Variants in NCKAP5 observed in about 807,000 individuals in gnomAD.
NCKAP5 encodes nck-associated protein 5.
NCKAP5 carries 92 observed loss-of-function variants against 167.0 expected under a neutral mutation model. The ratio of observed to expected loss-of-function variants is 0.55; its 90% CI spans 0.47 to 0.66. NCKAP5 has a LOEUF of 0.66. Among genes scored for constraint, NCKAP5 ranks in the 30% least tolerant of loss-of-function variants. NCKAP5 has a pLI of 0.00. For synonymous variants in NCKAP5, 891 were observed against 877.4 expected, an observed-to-expected ratio of 1.02 and a Z score of -0.27; for missense variants, 2,378 against 2,315.0, an observed-to-expected ratio of 1.03 and a Z score of -0.56.
chr2:133,467,561 A>G (rs944761193), intron 3 of NCKAP5, among the ~76,000 whole-genome samples: 1 of 150,132 alleles, frequency 6.7e-6, no homozygotes, highest in African/African-American at 2.5e-5. Context: ...TTTTCTATTG[A>G]TTGGAATAGT....
At chr2:133,090,120 A>T (rs145737298) in intron 6 of NCKAP5, among the ~76,000 whole-genome samples, 14 of 151,292 alleles carry the variant, frequency 9.3e-5, no homozygotes, top group African/African-American at 3.2e-4. Context: ...TAATCCCAAC[A>T]CTTTCGGAGG....
In NCKAP5 at chr2:133,463,015, G is replaced by A. The variant is rs144806771; in HGVS notation, c.69+54443C>T. On this transcript the variant is annotated intron_variant, in intron 3 of 19. Transcript: ENST00000409261. ...CTGCGTTTTATGTGAACTCTGGAGC[G>A]ATTAGTCGCTAATATCAACATTGGT... is the stretch of plus-strand genomic sequence containing the variant. Among the ~76,000 whole-genome samples the A allele has an allele frequency of 5.2e-3, 790 of 152,268 alleles. 14 individuals are homozygous for A. Among genetic ancestry groups the A allele is most frequent in the Admixed American group, 0.028 (434 of 15,294 alleles).
At chr2:132,772,875 C>T (rs1318091137) in intron 16 of NCKAP5, among the ~76,000 whole-genome samples, 1 of 152,214 alleles carries the variant, frequency 6.6e-6, no homozygotes, top group African/African-American at 2.4e-5. Flanking sequence ...AGTGTGCCAA[C>T]ATGGCGCCGA....
intron 9 of NCKAP5, among the ~76,000 whole-genome samples, chr2:132,869,240 T>C (rs933267102): frequency 6.6e-6 from 1 of 152,196 alleles, no homozygotes; most frequent in Non-Finnish European, 1.5e-5. Context: ...ATTTCCATAT[T>C]TGGAAAAATG....
chr2:132,807,236 T>C (rs1057514313), intron 11 of NCKAP5, among the ~76,000 whole-genome samples: 4 of 152,168 alleles, frequency 2.6e-5, no homozygotes, highest in African/African-American at 7.2e-5. Flanking sequence ...GCTTTGGCTA[T>C]GTGGCTCTTT....
chr2:133,129,010 T>C (rs1286552568), intron 6 of NCKAP5, among the ~76,000 whole-genome samples: 6 of 151,296 alleles, frequency 4.0e-5, no homozygotes, highest in African/African-American at 1.5e-4. Context: ...GAAGAGTTTA[T>C]TGAATCATTA....
At chr2:132,788,588 G>C (rs1021878118) in intron 13 of NCKAP5, among the ~76,000 whole-genome samples, 3 of 152,072 alleles carry the variant, frequency 2.0e-5, no homozygotes, top group African/African-American at 7.2e-5. Context: ...AGGCGACTGG[G>C]AGCATTACAT....
intron 12 of NCKAP5, among the ~76,000 whole-genome samples, chr2:132,794,166 C>A (rs960620323): frequency 1.3e-4 from 19 of 145,512 alleles, no homozygotes; most frequent in Admixed American, 1.3e-3. Flanking sequence ...CCCTGACAAA[C>A]GCTGGTGCTT....
intron 3 of NCKAP5, among the ~76,000 whole-genome samples, chr2:133,493,908 C>A (rs1681694051): frequency 6.6e-6 from 1 of 152,208 alleles, no homozygotes; most frequent in Non-Finnish European, 1.5e-5. Flanking sequence ...CCTGGCTCTC[C>A]ATCACCCAAG....
intron 6 of NCKAP5, among the ~76,000 whole-genome samples, chr2:133,068,147 A>G (rs1183057061): frequency 1.3e-5 from 2 of 152,126 alleles, no homozygotes; most frequent in Non-Finnish European, 2.9e-5. Flanking sequence ...TGCATCTACT[A>G]CAGATGCTCA....
At chr2:133,365,516 A>T (rs1317761846) in intron 3 of NCKAP5, among the ~76,000 whole-genome samples, 2 of 146,780 alleles carry the variant, frequency 1.4e-5, no homozygotes, top group African/African-American at 5.2e-5. Context: ...CTGCCATTAT[A>T]CTTAGCCTAC....
At chr2:132,893,295 C>A (rs1180304387) in intron 8 of NCKAP5, among the ~76,000 whole-genome samples, 1 of 152,218 alleles carries the variant, frequency 6.6e-6, no homozygotes, top group African/African-American at 2.4e-5. Flanking sequence ...CCAGCAACGC[C>A]ATTGCTAGGT....
At chr2:132,933,325 TA>T (rs1470435217) in intron 8 of NCKAP5, among the ~76,000 whole-genome samples, 2 of 152,214 alleles carry the variant, frequency 1.3e-5, no homozygotes, top group African/African-American at 4.8e-5. Flanking sequence ...TCTCTCCCAT[TA>T]GACCATGAGT....
intron 3 of NCKAP5, among the ~76,000 whole-genome samples, chr2:133,348,461 T>G (rs994668404): frequency 3.3e-5 from 5 of 152,058 alleles, no homozygotes; most frequent in African/African-American, 1.2e-4. Context: ...AAAACTGCAT[T>G]TTTGGGGTGG....
Position 133,452,171 on chromosome 2 carries a change from T to C in NCKAP5, c.69+65287A>G, listed in dbSNP as rs566368473. Among the ~76,000 whole-genome samples the C allele has an allele frequency of 1.9e-3, 292 of 152,288 alleles. 1 individual carries two copies. The highest frequency in any genetic ancestry group is 6.8e-3 in the African/African-American group (284 of 41,554). ...ATAATGCTTGGCCCCAAATACCATG[T>C]CAAATGCAGCCTCCTCTCCTTGAGA... is the stretch of plus-strand genomic sequence containing the variant. On this transcript the variant is annotated intron_variant, in intron 3 of 19. Coordinates refer to ENST00000409261, the MANE Select transcript of NCKAP5 (RefSeq NM_207363.3).
chr2:133,274,086 T>C (rs958354199), intron 4 of NCKAP5, among the ~76,000 whole-genome samples: 21 of 151,890 alleles, frequency 1.4e-4, no homozygotes, highest in African/African-American at 5.1e-4. Context: ...CTTCATTTTC[T>C]CTAAGGTCTT....
chr2:132,978,193 C>G (rs1573616175), intron 7 of NCKAP5, among the ~76,000 whole-genome samples: 2 of 152,220 alleles, frequency 1.3e-5, no homozygotes, highest in East Asian at 3.8e-4. Context: ...TTTCTTCATG[C>G]AAAATCTCTG....
At chr2:133,575,751 A>G in the NCKAP5 span, among the ~76,000 whole-genome samples, 1 of 152,188 alleles carries the variant, frequency 6.6e-6, no homozygotes, top group African/African-American at 2.4e-5. Flanking sequence ...TGCTGGCCAA[A>G]TCGGCAGAGA....
chr2:133,370,338 G>A (rs1476714165), intron 3 of NCKAP5, among the ~76,000 whole-genome samples: 2 of 152,146 alleles, frequency 1.3e-5, no homozygotes, highest in African/African-American at 2.4e-5. Flanking sequence ...TGAATCCAAA[G>A]AATTGAGTCT....
Sources: allele counts gnomAD v4.1 joint callset (sites outside exome capture counted in the v4.1 genomes callset), GRCh38; gene constraint gnomAD v4.1.1; transcripts MANE v1.5; gene names NCBI Gene and HGNC (gene_info 2026-07-23, HGNC 2026-07-21).